Variants in ITPR3 observed in about 807,000 individuals in gnomAD.
The protein encoded by ITPR3 is inositol 1,4,5-trisphosphate-gated calcium channel ITPR3.
ITPR3 carries 173 observed loss-of-function variants against 293.2 expected under a neutral mutation model. The observed-to-expected ratio is 0.59, with a 90% confidence interval of 0.52 to 0.67. ITPR3 has a LOEUF of 0.67. Among genes scored for constraint, ITPR3 ranks in the 30% least tolerant of loss-of-function variants. ITPR3 has a pLI of 0.00. For missense variants in ITPR3, 2,796 were observed against 3,592.1 expected, an observed-to-expected ratio of 0.78 and a Z score of 5.66; for synonymous variants, 1,295 against 1,444.4, an observed-to-expected ratio of 0.90 and a Z score of 2.35.
rs770491666 is a variant in ITPR3 at position 33,685,400 on chromosome 6, G to A, written c.5349G>A (p.Glu1783=). Residue 1783 remains glutamate (E), a synonymous_variant, in exon 40 of 58, where the codon GAG becomes GAA. Transcript: ENST00000605930. The part of the protein sequence containing the change: ...HNLMMSDKKS[E]RFFKVLHDRM... ...TGATGATGAGTGACAAGAAGTCAGA[G>A]CGCTTCTTCAAGGTGCTGCACGACC... 1.8e-5 allele frequency: 29 copies of A among 1,613,908 alleles called. No individual in the cohort carries two copies. The highest frequency in any genetic ancestry group is 2.3e-5 in the Non-Finnish European group (27 of 1,179,904).
In ITPR3 at chr6:33,659,049, A is replaced by G; in HGVS notation, c.557A>G (p.Asn186Ser). 1 of 1,613,946 alleles carries G rather than the reference A, an allele frequency of 6.2e-7. No individual in the cohort carries two copies. The highest frequency in any genetic ancestry group is 8.5e-7 in the Non-Finnish European group (1 of 1,179,964). The change falls in exon 6 of 58, where the codon AAT becomes AGT. Residue 186 changes from asparagine to serine, a missense_variant. Coordinates refer to ENST00000605930, the MANE Select transcript of ITPR3 (RefSeq NM_002224.4). ...NVVVGDKVIL[N>S]PVNAGQPLHA... ...GTCGTGGGGGACAAGGTGATCCTGA[A>G]TCCTGTCAATGCCGGGCAGCCTCTG...
Position 33,693,603 on chromosome 6 carries a change from G to A in ITPR3, c.7683G>A (p.Leu2561=). Residue 2561 remains leucine, a synonymous_variant, in exon 56 of 58, where the codon CTG becomes CTA. Transcript: ENST00000605930. ...TGTCATTTGAGGAACACATCAAGCT[G>A]GAGCACAACATGTGGAACTACTTGT... ...KTVSFEEHIK[L]EHNMWNYLYF... is the part of the protein sequence containing the mutation. The A allele has an allele frequency of 4.3e-6, 7 of 1,614,206 alleles. No homozygotes were observed. Among genetic ancestry groups the A allele is most frequent in the Non-Finnish European group, 5.9e-6 (7 of 1,180,018 alleles).
rs554481903 is a variant in ITPR3, at chr6:33,666,908, G to C, written c.1552-221G>C. Among the ~76,000 whole-genome samples, 1 of 152,180 alleles carries C rather than the reference G, an allele frequency of 6.6e-6. No individual in the cohort carries two copies. Among genetic ancestry groups the C allele is most frequent in the Admixed American group, 6.5e-5 (1 of 15,282 alleles). On this transcript the variant is annotated intron_variant, in intron 14 of 57. Transcript: ENST00000605930. This position sits in a 1 kb window ranked among gnomAD's most constrained non-coding sequence, Gnocchi z 5.1. ...TGGGATTAGAATCCGCATCAGGGAG[G>C]GATAGGCTGGGGTCAGCTTCGGGAT...
chr6:33,683,009 G>T lies in ITPR3; in HGVS notation c.4598-198G>T, dbSNP rs900865697. Reference sequence around the variant, plus strand: ...GGTAGAGCCGGGGGGAATCAAAGAGGCAGAAACTCCTTTTACCCAACAAGG... The same window carrying T: ...GGTAGAGCCGGGGGGAATCAAAGAGTCAGAAACTCCTTTTACCCAACAAGG... On this transcript the variant is annotated intron_variant, in intron 34 of 57. Transcript: ENST00000605930. The surrounding 1 kb of genome is among the most constrained non-coding windows in gnomAD (Gnocchi z 4.5). Among the ~76,000 whole-genome samples, 5 of 151,594 alleles carry T rather than the reference G, an allele frequency of 3.3e-5. No individual in the cohort carries two copies. Among genetic ancestry groups the T allele is most frequent in the African/African-American group, 1.2e-4 (5 of 41,190 alleles).
intron 56 of ITPR3, among the ~76,000 whole-genome samples, 200 bp downstream of exon 56, chr6:33,693,905 G>A (rs556765262): frequency 7.9e-5 from 12 of 152,384 alleles, no homozygotes; most frequent in South Asian, 2.1e-4. Context: ...TCAGCAGGGC[G>A]AGGAGCAGCA....
At position 33,685,455 on chromosome 6, in the gene ITPR3, T is replaced by C; in HGVS notation, c.5404T>C (p.Ser1802Pro). ...GAAGCGGGCCCAGCAGGAGACCAAG[T>C]CCACGGTGGCAGTCAACATGAATGA... Reference protein sequence around the residue: ...RMKRAQQETKSTVAVNMNDLG... With the variant: ...RMKRAQQETKPTVAVNMNDLG... The change falls in exon 40 of 58, where the codon TCC (serine) becomes CCC (proline). Residue 1802 changes from serine to proline, a missense_variant. By Grantham distance (74) the Ser-to-Pro change is moderately conservative. Coordinates refer to ENST00000605930, the MANE Select transcript of ITPR3 (RefSeq NM_002224.4). The C allele has an allele frequency of 6.2e-7, 1 of 1,613,976 alleles. No individual in the cohort carries two copies.
intron 13 of ITPR3, 70 bp from the exon 14 acceptor site, chr6:33,665,765 C>T (rs1220939412): frequency 6.4e-7 from 1 of 1,568,440 alleles, no homozygotes; most frequent in Non-Finnish European, 8.7e-7. Context: ...TTGGGAGGGA[C>T]TGGCTCCCCA....
rs1429807077 is a variant in ITPR3, at chr6:33,633,300, G to A, written c.90-7184G>A. 6.6e-6 allele frequency among the ~76,000 whole-genome samples: 1 copy of A among 152,204 alleles called. No individual in the cohort carries two copies. The highest frequency in any genetic ancestry group is 1.5e-5 in the Non-Finnish European group (1 of 68,020). ...TGGGAACAGGTCTTTTCTGGGGCCC[G>A]TGGGTGGAGGGACCTTGTGGGGAGG... On this transcript the variant is annotated intron_variant, in intron 1 of 57. Transcript: ENST00000605930. This position sits in a 1 kb window ranked among gnomAD's most constrained non-coding sequence, Gnocchi z 5.2.
intron 2 of ITPR3, among the ~76,000 whole-genome samples, chr6:33,643,895 G>A (rs2151293141): frequency 6.6e-6 from 1 of 152,300 alleles, no homozygotes; most frequent in East Asian, 1.9e-4. Flanking sequence ...CTACACGATA[G>A]TAAAGAGAAA....
At position 33,666,243 on chromosome 6, in the gene ITPR3, G is replaced by A. The variant is rs1211397059; in HGVS notation, c.1551+267G>A. ...GTCCCAGGGCTCACAGCTAGGAAGC[G>A]GCAGCCAGGATTTGAGCTTGTGATG... On this transcript the variant is annotated intron_variant, in intron 14 of 57. Transcript: ENST00000605930. This position sits in a 1 kb window ranked among gnomAD's most constrained non-coding sequence, Gnocchi z 5.1. Among the ~76,000 whole-genome samples, 4 of 151,094 alleles carry A rather than the reference G, an allele frequency of 2.6e-5. No individual in the cohort carries two copies. The highest frequency in any genetic ancestry group is 6.6e-5 in the Admixed American group (1 of 15,222).
Position 33,667,152 on chromosome 6 carries a change from G to T in ITPR3, c.1575G>T (p.Pro525=). The change falls in exon 15 of 58, where the codon CCG becomes CCT. Residue 525 remains proline (P), a synonymous_variant. Coordinates refer to ENST00000605930, the MANE Select transcript of ITPR3 (RefSeq NM_002224.4). The surrounding 1 kb of genome is among the most constrained non-coding windows in gnomAD (Gnocchi z 4.4). ...LKQVFGILKA[P]FREKGGEGPL... ...AGGTCTTTGGCATTCTGAAGGCCCC[G>T]TTCCGTGAGAAGGGGGGTGAAGGTC... 1 of 1,614,140 alleles carries T rather than the reference G, an allele frequency of 6.2e-7. No individual in the cohort carries two copies. The highest frequency in any genetic ancestry group is 8.5e-7 in the Non-Finnish European group (1 of 1,179,990).
rs1386448811 is a variant in ITPR3, at chr6:33,671,310, A to G, written c.2728+4A>G. ...CAGGCCTATGAGGACCCCGGTGGTG[A>G]GGCCTTTGCCCGGCTCGGGCCACCC... is the stretch of plus-strand genomic sequence containing the variant. On this transcript the variant is annotated splice_donor_region_variant and intron_variant, in intron 21 of 57. Coordinates refer to ENST00000605930, the MANE Select transcript of ITPR3 (RefSeq NM_002224.4). The G allele has an allele frequency of 8.7e-6, 14 of 1,609,726 alleles. No homozygotes were observed. The highest frequency in any genetic ancestry group is 1.0e-5 in the Non-Finnish European group (12 of 1,178,004).
At chr6:33,677,186 C>A in intron 27 of ITPR3, 97 bp downstream of exon 27, 1 of 1,078,094 alleles carries the variant, frequency 9.3e-7, no homozygotes, top group Non-Finnish European at 1.4e-6. Context: ...CTGTGCTGGC[C>A]ACTGGCCCTC....
Position 33,663,559 on chromosome 6 carries a change from C to A in ITPR3, c.1005+9C>A, listed in dbSNP as rs762067993. On this transcript the variant is annotated intron_variant, in intron 10 of 57. Coordinates refer to ENST00000605930, the MANE Select transcript of ITPR3 (RefSeq NM_002224.4). ...CCAAGGCAGCAGGAATGGTGAGGAG[C>A]AAAGCAGGTCTCCAGTGAGACCATG... The A allele has an allele frequency of 1.6e-5, 25 of 1,603,792 alleles. No homozygotes were observed. The highest frequency in any genetic ancestry group is 2.7e-5 in the African/African-American group (2 of 74,668).
rs1458839407 is a variant in ITPR3, at chr6:33,693,432, C to T, written c.7625-113C>T. The T allele has an allele frequency of 6.4e-6, 7 of 1,086,942 alleles. No individual in the cohort carries two copies. In the African/African-American group the frequency reaches 9.4e-5, roughly 15 times the overall value. 67.3% of individuals were successfully genotyped at this position (1,086,942 alleles called of 1,614,324 possible). On this transcript the variant is annotated intron_variant, in intron 55 of 57. Coordinates refer to ENST00000605930, the MANE Select transcript of ITPR3 (RefSeq NM_002224.4). ...AGCCCAGAGCGAGCTGTTGGAAGCG[C>T]TCATCCCGAGAACAAATGCCTCCAA...
intron 1 of ITPR3, among the ~76,000 whole-genome samples, chr6:33,636,829 C>T (rs12660617): frequency 0.068 from 10,362 of 152,090 alleles, 535 homozygotes; most frequent in Middle Eastern, 0.22. Flanking sequence ...AGATGCCCAA[C>T]GACGTGAGTG....
In ITPR3 at chr6:33,672,605, C is replaced by T. The variant is rs140474388; in HGVS notation, c.2928+377C>T. On this transcript the variant is annotated intron_variant, in intron 22 of 57. Transcript: ENST00000605930. This position sits in a 1 kb window ranked among gnomAD's most constrained non-coding sequence, Gnocchi z 5.0. ...AAGAAAAACAGAAATGCACATTCTC[C>T]GGCCCCACCCTAGACCTACTGAGTC... is the stretch of plus-strand genomic sequence containing the variant. 7.9e-3 allele frequency among the ~76,000 whole-genome samples: 1,196 copies of T among 152,170 alleles called. 15 individuals carry two copies. Among genetic ancestry groups the T allele is most frequent in the African/African-American group, 0.026 (1,080 of 41,498 alleles).
In ITPR3 at chr6:33,691,583, C is replaced by T. The variant is rs78427571; in HGVS notation, c.7226-32C>T. ...CCAGGGGATAAGGCCAGGCACTGGACCTCCTGATGATCTCATCCATATCCC... is the reference window on the plus strand; with the variant it reads ...CCAGGGGATAAGGCCAGGCACTGGATCTCCTGATGATCTCATCCATATCCC... On this transcript the variant is annotated intron_variant, in intron 52 of 57. Coordinates refer to ENST00000605930, the MANE Select transcript of ITPR3 (RefSeq NM_002224.4). This position sits in a 1 kb window ranked among gnomAD's most constrained non-coding sequence, Gnocchi z 4.9. The T allele has an allele frequency of 1.3e-5, 20 of 1,577,568 alleles. No individual in the cohort carries two copies. The highest frequency in any genetic ancestry group is 1.5e-5 in the Non-Finnish European group (17 of 1,147,758).
At position 33,695,730 on chromosome 6, in the gene ITPR3, C is replaced by T. The variant is rs767913407; in HGVS notation, c.7966C>T (p.Arg2656Cys). Reference protein sequence around the residue: ...LKEQMTEQRKRRQRLGFVDVQ... With the variant: ...LKEQMTEQRKCRQRLGFVDVQ... ...ACCCTAGATGACGGAGCAGCGGAAA[C>T]GCAGGCAACGCCTAGGCTTTGTGGA... The change falls in exon 58 of 58, where the codon CGC (arginine) becomes TGC (cysteine). Residue 2656 changes from arginine to cysteine, a missense_variant. Physicochemically the swap from Arg to Cys is radical, Grantham distance 180. Coordinates refer to ENST00000605930, the MANE Select transcript of ITPR3 (RefSeq NM_002224.4). The T allele has an allele frequency of 6.3e-5, 101 of 1,614,040 alleles. No individual in the cohort carries two copies. The highest frequency in any genetic ancestry group is 7.6e-5 in the Non-Finnish European group (90 of 1,180,046).
Sources: gnomAD v4.1 joint callset for allele counts (sites outside exome capture counted in the v4.1 genomes callset) on GRCh38, gnomAD v4.1.1 for gene constraint, Gnocchi (gnomAD v3.1) non-coding constraint, MANE v1.5 for transcripts, NCBI Gene and HGNC (gene_info 2026-07-23, HGNC 2026-07-21) for gene names.